Variants in CPNE7 observed in about 807,000 individuals in gnomAD.
CPNE7 encodes the protein copine-7.
CPNE7 carries 78 observed loss-of-function variants against 66.5 expected under a neutral mutation model. The observed-to-expected ratio is 1.17, with a 90% CI of 0.98 to 1.42. The LOEUF (loss-of-function observed/expected upper bound fraction) is 1.42. CPNE7 is among the 40% of genes most tolerant of loss of function. The probability of loss-of-function intolerance (pLI) is 0.00; values close to 1 mark genes in which losing one functional copy is unlikely to be tolerated. For synonymous variants in CPNE7, 468 were observed against 336.7 expected, an observed-to-expected ratio of 1.39 and a Z score of -4.27; for missense variants, 1,012 against 776.6, an observed-to-expected ratio of 1.30 and a Z score of -3.60.
At chr16:89,576,365 C>T (rs1427259547) in intron 1 of CPNE7, among the ~76,000 whole-genome samples, 1 of 151,584 alleles carries the variant, frequency 6.6e-6, no homozygotes, top group Non-Finnish European at 1.5e-5. Context: ...GGCCCCGGGC[C>T]AGAGTGAAGC....
rs983989542 is a variant in CPNE7 at position 89,588,777 on chromosome 16, T to C, written c.1030T>C (p.Ser344Pro). 1 of 1,613,678 alleles carries C rather than the reference T, an allele frequency of 6.2e-7. No homozygotes were observed. The highest frequency in any genetic ancestry group is 8.5e-7 in the Non-Finnish European group (1 of 1,179,946). ...GAACGAGTACCTGAAGGCACTGGTG[T>C]CCGTGGGCGAGATCTGCCAGGACTA... ...QPNEYLKALVSVGEICQDYDS... is the reference protein window; with the variant it reads ...QPNEYLKALVPVGEICQDYDS... The change falls in exon 10 of 15, where the codon TCC becomes CCC. Residue 344 changes from serine to proline, a missense_variant. Transcript: ENST00000319518.
chr16:89,587,490 G>C, intron 9 of CPNE7: 1 of 448,522 alleles, frequency 2.2e-6, no homozygotes, highest in Non-Finnish European at 4.5e-6. Context: ...TCAGGAAGCA[G>C]CCCCAAGCCC....
At position 89,575,813 on chromosome 16, in the gene CPNE7, C is replaced by A; in HGVS notation, c.-85C>A. 2.0e-6 allele frequency: 2 copies of A among 1,008,020 alleles called. No individual in the cohort carries two copies. The highest frequency in any genetic ancestry group is 2.4e-6 in the Non-Finnish European group (2 of 825,248). The allele number at this position is 1,008,020 out of a possible 1,614,324, so 62.4% of individuals were successfully genotyped here. A position where few individuals can be genotyped will look rare whatever the true frequency, so the allele number is the denominator to read the frequency against. On this transcript the variant is annotated 5_prime_UTR_variant, in exon 1 of 15. Coordinates refer to ENST00000319518, the MANE Select transcript of CPNE7 (RefSeq NM_153636.3). ...GAAGCGCGGCCACGCCTGGGCCGGC[C>A]ACCATTTCCCGGGCGCCGCGGCGGC...
rs1451315176 is a variant in CPNE7, at chr16:89,585,451, T to A, written c.592-13T>A. On this transcript the variant is annotated splice_polypyrimidine_tract_variant and intron_variant, in intron 5 of 14. Coordinates refer to ENST00000319518, the MANE Select transcript of CPNE7 (RefSeq NM_153636.3). Reference sequence around the variant, plus strand: ...CCTGGGCCTCCCCTGAGCCAGCCCCTCCCGGCCCACAGGTGGTGAAGAACA... The same window carrying A: ...CCTGGGCCTCCCCTGAGCCAGCCCCACCCGGCCCACAGGTGGTGAAGAACA... The A allele has an allele frequency of 1.2e-6, 2 of 1,603,458 alleles. No homozygotes were observed. Among genetic ancestry groups the A allele is most frequent in the Admixed American group, 3.4e-5 (2 of 59,696 alleles).
At position 89,584,199 on chromosome 16, in the gene CPNE7, T is replaced by A; in HGVS notation, c.507+97T>A. ...CCAGCGCTGACCTCGCGTGGCTATG[T>A]CCCGTGTGAGACGTGTGCGGAGTGT... is the stretch of plus-strand genomic sequence containing the variant. On this transcript the variant is annotated intron_variant, in intron 4 of 14. Transcript: ENST00000319518. The surrounding 1 kb of genome is among the most constrained non-coding windows in gnomAD (Gnocchi z 6.0). The A allele has an allele frequency of 2.4e-6, 3 of 1,276,238 alleles. No individual in the cohort carries two copies. In the Admixed American group the frequency reaches 6.6e-5, roughly 28 times the overall value. 79.1% of individuals were successfully genotyped at this position (1,276,238 alleles called of 1,614,324 possible). A position where few individuals can be genotyped will look rare whatever the true frequency, so the allele number is the denominator to read the frequency against.
chr16:89,587,924 G>C (rs546470361), intron 9 of CPNE7, among the ~76,000 whole-genome samples: 51 of 25,204 alleles, frequency 2.0e-3, no homozygotes, highest in Middle Eastern at 0.033. Context: ...CGTGTCACCC[G>C]CGTGTCACCC....
At position 89,584,001 on chromosome 16, in the gene CPNE7, C is replaced by T. The variant is rs1190218852; in HGVS notation, c.433-27C>T. The T allele has an allele frequency of 1.9e-6, 3 of 1,610,322 alleles. No homozygotes were observed. The highest frequency in any genetic ancestry group is 2.5e-6 in the Non-Finnish European group (3 of 1,178,862). On this transcript the variant is annotated intron_variant, in intron 3 of 14. Transcript: ENST00000319518. The surrounding 1 kb of genome is among the most constrained non-coding windows in gnomAD (Gnocchi z 6.0). ...TGGGGTCAGGCCCCACCTGGCCAAG[C>T]CTGGAGCCCGGGCGTCCCCCTGCCA... is the stretch of plus-strand genomic sequence containing the variant.
At chr16:89,579,782 GTCACCCGCTGACACGGAACATC>G (rs2058920082) in intron 2 of CPNE7, among the ~76,000 whole-genome samples, 1 of 98,470 alleles carries the variant, frequency 1.0e-5, no homozygotes, top group Non-Finnish European at 2.1e-5. Context: ...GGAACATCCC[GTCACCCGCTGACACGGAACATC>G]TCACCCGTCA....
intron 1 of CPNE7, among the ~76,000 whole-genome samples, chr16:89,576,510 C>A (rs903116010): frequency 6.6e-6 from 1 of 152,088 alleles, no homozygotes; most frequent in African/African-American, 2.4e-5. Context: ...GGGGTGCGGA[C>A]CTCCAGGCGT....
At chr16:89,576,810 GCGGTCACCCGGTGGCGTCTC>G (rs1443391755) in intron 1 of CPNE7, among the ~76,000 whole-genome samples, 1 of 152,164 alleles carries the variant, frequency 6.6e-6, no homozygotes, top group Non-Finnish European at 1.5e-5. Flanking sequence ...TGGAAGGGAC[GCGGTCACCCGGTGGCGTCTC>G]CGGTCATCCA....
rs2059006809 is a variant in CPNE7 at position 89,584,606 on chromosome 16, CGGGA to C, written c.508-159_508-156del. Among the ~76,000 whole-genome samples the C allele has an allele frequency of 9.6e-6, 1 of 104,318 alleles. No individual in the cohort carries two copies. The highest frequency in any genetic ancestry group is 2.0e-5 in the Non-Finnish European group (1 of 50,954). The allele number at this position is 104,318 out of a possible 152,430, so 68.4% of individuals were successfully genotyped here. ...CCCGCCGTGGTCAGATCCCTGGGGG[CGGGA>C]GGGAGGGACGAGATGCTGTCGGCGG... On this transcript the variant is annotated intron_variant, in intron 4 of 14. Transcript: ENST00000319518. The surrounding 1 kb of genome is among the most constrained non-coding windows in gnomAD (Gnocchi z 6.0).
In CPNE7 at chr16:89,591,616, C is replaced by G. The variant is rs1032955307; in HGVS notation, c.1302+356C>G. Among the ~76,000 whole-genome samples the G allele has an allele frequency of 3.3e-5, 5 of 152,180 alleles. 1 individual carries two copies. Among genetic ancestry groups the G allele is most frequent in the Non-Finnish European group, 7.3e-5 (5 of 68,030 alleles). On this transcript the variant is annotated intron_variant, in intron 13 of 14. Coordinates refer to ENST00000319518, the MANE Select transcript of CPNE7 (RefSeq NM_153636.3). ...TTCCTTTGCACAAATGATACGGTGC[C>G]GAGAACTGCACTGGATTCTACTCTG...
In CPNE7 at chr16:89,577,636, T is replaced by C; in HGVS notation, c.272T>C (p.Phe91Ser). ...YYFEEVQRLR[F>S]EVYDTHGPSG... Reference sequence around the variant, plus strand: ...TTCGAGGAGGTGCAGAGGCTGCGCTTTGAGGTGTACGACACGCATGGGCCC... The same window carrying C: ...TTCGAGGAGGTGCAGAGGCTGCGCTCTGAGGTGTACGACACGCATGGGCCC... Residue 91 changes from phenylalanine (F) to serine (S), a missense_variant, in exon 2 of 15, where the codon TTT (phenylalanine) becomes TCT (serine). By Grantham distance (155) the Phe-to-Ser change is radical (BLOSUM62 -2). Transcript: ENST00000319518. The C allele has an allele frequency of 1.1e-5, 18 of 1,585,438 alleles. No individual in the cohort carries two copies. The highest frequency in any genetic ancestry group is 1.5e-5 in the Non-Finnish European group (18 of 1,165,754).
At chr16:89,589,337 G>C (rs971957475) in intron 10 of CPNE7, among the ~76,000 whole-genome samples, 1 of 152,192 alleles carries the variant, frequency 6.6e-6, no homozygotes, top group African/African-American at 2.4e-5. Flanking sequence ...CCCTACTGGA[G>C]GCTGCCGCAT....
chr16:89,591,584 T>C (rs1358163251), intron 13 of CPNE7, among the ~76,000 whole-genome samples: 1 of 152,228 alleles, frequency 6.6e-6, no homozygotes, highest in Non-Finnish European at 1.5e-5. Flanking sequence ...TTTGTTTACA[T>C]GTGTCTTTCC....
chr16:89,583,006 G>A (rs751237600), intron 2 of CPNE7, among the ~76,000 whole-genome samples: 5 of 152,248 alleles, frequency 3.3e-5, no homozygotes, highest in Non-Finnish European at 7.3e-5. Context: ...GGCTGCAGGG[G>A]CCTGGGCCTG....
At position 89,587,150 on chromosome 16, in the gene CPNE7, GCCCCGCCCCGC is replaced by G. The variant is rs1567959562; in HGVS notation, c.927+53_927+63del. On this transcript the variant is annotated intron_variant, in intron 9 of 14. Transcript: ENST00000319518. The stretch of plus-strand genomic sequence containing the variant: ...TGCCGCCCCCTCAGTCCGTGGCCCC[GCCCCGCCCCGC>G]CCCCTCAGTCCGTGGCCCCGCCCCT... 24 of 435,480 alleles carry G rather than the reference GCCCCGCCCCGC, an allele frequency of 5.5e-5. No homozygotes were observed. In the African/African-American group the frequency reaches 6.2e-4, roughly 11 times the overall value. The allele number at this position is 435,480 out of a possible 1,614,324, so 27.0% of individuals were successfully genotyped here.
rs943171600 is a variant in CPNE7, at chr16:89,596,908, G to A, written c.*287G>A. ...TGGAGGGAGCTGGGAGTTCATCCAC[G>A]GGAGACCCTGCCCCGATGAGAAGGG... On this transcript the variant is annotated 3_prime_UTR_variant, in exon 15 of 15. Coordinates refer to ENST00000319518, the MANE Select transcript of CPNE7 (RefSeq NM_153636.3). 22 of 335,988 alleles carry A rather than the reference G, an allele frequency of 6.5e-5. No individual in the cohort carries two copies. The highest frequency in any genetic ancestry group is 2.6e-4 in the African/African-American group (12 of 46,866). The allele number at this position is 335,988 out of a possible 1,614,324, so 20.8% of individuals were successfully genotyped here.
At chr16:89,593,365 T>C (rs186493880) in intron 13 of CPNE7, among the ~76,000 whole-genome samples, 2,238 of 151,978 alleles carry the variant, frequency 0.015, 23 homozygotes, top group Non-Finnish European at 0.023. Flanking sequence ...AATATTTTTT[T>C]TTTTTTGAGA....
Sources: gnomAD v4.1 joint callset for allele counts (sites outside exome capture counted in the v4.1 genomes callset) on GRCh38, gnomAD v4.1.1 for gene constraint, Gnocchi (gnomAD v3.1) non-coding constraint, MANE v1.5 for transcripts, NCBI Gene and HGNC (gene_info 2026-07-23, HGNC 2026-07-21) for gene names.